PFKFB3: variants seen among roughly 807,000 people sequenced by gnomAD.
The protein encoded by PFKFB3 is 6-phosphofructo-2-kinase/fructose-2,6-biphosphatase 3, also known as 6-phosphofructo-2-kinase/fructose-2,6-bisphosphatase 3.
In PFKFB3, 33 loss-of-function variants were observed where a neutral mutation model predicts 68.0. The observed-to-expected ratio is 0.49, with a 90% confidence interval of 0.37 to 0.65. The LOEUF is 0.65. Ranked by LOEUF, PFKFB3 falls within the 30% of genes least tolerant of loss-of-function variation. PFKFB3 has a pLI of 0.00. For synonymous variants in PFKFB3, 315 were observed against 288.2 expected (o/e 1.09, Z -0.94); for missense variants, 586 against 712.2 (o/e 0.82, Z 2.02).
At chr10:6,197,084 A>C (rs930250915) in intron 1 of PFKFB3, among the ~76,000 whole-genome samples, 2 of 151,768 alleles carry the variant, frequency 1.3e-5, no homozygotes, top group Non-Finnish European at 2.9e-5. Context: ...TCCCAGGTTC[A>C]AGCGATTGTC....
downstream of PFKFB3, among the ~76,000 whole-genome samples, chr10:6,237,395 A>T (rs1431183781): frequency 6.6e-6 from 1 of 152,252 alleles, no homozygotes; most frequent in Non-Finnish European, 1.5e-5. Flanking sequence ...GCTGGTGAAG[A>T]GTGAGGCGTT....
chr10:6,288,362 C>T, the PFKFB3 span, among the ~76,000 whole-genome samples: 3 of 106,642 alleles, frequency 2.8e-5, no homozygotes, highest in African/African-American at 1.1e-4. Context: ...CCTCCCCCCA[C>T]CCCACAACAG....
Position 6,245,244 on chromosome 10 carries a change from A to G in PFKFB3, c.1516-8934A>G, listed in dbSNP as rs575851417. Among the ~76,000 whole-genome samples, 9 of 151,000 alleles carry G rather than the reference A, an allele frequency of 6.0e-5. No individual in the cohort carries two copies. In the South Asian group the frequency reaches 1.9e-3, roughly 32 times the overall value. On this transcript the variant is annotated intron_variant, in intron 14 of 14. Transcript: ENST00000640683. Reference sequence around the variant, plus strand: ...CCCGAGTAGCTGGGATTACAGGCATACGCCACCATGCCTGGCTAATTTTTA... The same window carrying G: ...CCCGAGTAGCTGGGATTACAGGCATGCGCCACCATGCCTGGCTAATTTTTA...
the PFKFB3 span, among the ~76,000 whole-genome samples, chr10:6,275,120 C>A: frequency 6.6e-6 from 1 of 152,272 alleles, no homozygotes; most frequent in African/African-American, 2.4e-5. This position sits in a 1 kb window ranked among gnomAD's most constrained non-coding sequence, Gnocchi z 4.9. Flanking sequence ...GAGGCTGATG[C>A]CTCTTGCTCT....
the PFKFB3 span, chr10:6,294,057 G>T: frequency 7.9e-6 from 4 of 508,736 alleles, no homozygotes; most frequent in Non-Finnish European, 1.6e-5. Flanking sequence ...TGTATAGTTC[G>T]TACTGGAAGG....
chr10:6,301,209 T>TG, the PFKFB3 span, among the ~76,000 whole-genome samples: 1 of 152,138 alleles, frequency 6.6e-6, no homozygotes, highest in African/African-American at 2.4e-5. Flanking sequence ...AATGGAATGG[T>TG]GACTTGGAAT....
At chr10:6,316,674 CGCCATGTTGGCCAGGCTGG>C in the PFKFB3 span, among the ~76,000 whole-genome samples, 12 of 152,084 alleles carry the variant, frequency 7.9e-5, no homozygotes, top group Non-Finnish European at 1.8e-4. Context: ...GTCCGGGTTT[CGCCATGTTGGCCAGGCTGG>C]TCTTGAACTA....
intron 1 of PFKFB3, among the ~76,000 whole-genome samples, chr10:6,183,346 C>T (rs1185591541): frequency 2.0e-5 from 3 of 152,090 alleles, no homozygotes; most frequent in Non-Finnish European, 4.4e-5. Flanking sequence ...TCTAAAACAC[C>T]TCCAGCTCCA....
upstream of PFKFB3, among the ~76,000 whole-genome samples, chr10:6,198,141 G>C (rs1246332397): frequency 1.3e-5 from 2 of 151,904 alleles, no homozygotes; most frequent in Non-Finnish European, 2.9e-5. Flanking sequence ...AGTTACTCAG[G>C]AGGCTGAGGC....
intron 14 of PFKFB3, among the ~76,000 whole-genome samples, chr10:6,241,683 A>C (rs1846143036): frequency 1.3e-5 from 2 of 152,182 alleles, no homozygotes; most frequent in Admixed American, 1.3e-4. Context: ...AAAAACTACC[A>C]GTGAAGGAGA....
intron 1 of PFKFB3, among the ~76,000 whole-genome samples, chr10:6,177,438 C>CTTTCTCTTTCTTTCTTTCTTTCTT (rs1554842946): frequency 1.2e-5 from 1 of 86,630 alleles, no homozygotes; most frequent in African/African-American, 4.2e-5. Flanking sequence ...TCTTTTCTTT[C>CTTTCTCTTTCTTTCTTTCTTTCTT]TCTTTCTTTC....
chr10:6,226,626 G>A (rs949074682), intron 14 of PFKFB3, among the ~76,000 whole-genome samples: 3 of 152,168 alleles, frequency 2.0e-5, no homozygotes, highest in Non-Finnish European at 2.9e-5. Context: ...GACTGCGTTC[G>A]CCTCCTTTCT....
intron 14 of PFKFB3, among the ~76,000 whole-genome samples, chr10:6,246,016 TC>T (rs906510955): frequency 6.6e-6 from 1 of 152,130 alleles, no homozygotes; most frequent in African/African-American, 2.4e-5. Context: ...CGCCTCCTCT[TC>T]CTTCTTCTCG....
intron 1 of PFKFB3, among the ~76,000 whole-genome samples, chr10:6,168,071 A>G (rs1842194688): frequency 6.6e-6 from 1 of 152,184 alleles, no homozygotes; most frequent in Admixed American, 6.5e-5. Context: ...CAGAGATGCT[A>G]TCTAACCATT....
At chr10:6,279,071 A>T in the PFKFB3 span, among the ~76,000 whole-genome samples, 182 of 152,366 alleles carry the variant, frequency 1.2e-3, no homozygotes, top group African/African-American at 4.1e-3. Flanking sequence ...TTCAGTTGTG[A>T]TGATTACTAT....
intron 1 of PFKFB3, among the ~76,000 whole-genome samples, chr10:6,180,040 C>G (rs968475691): frequency 6.6e-6 from 1 of 152,024 alleles, no homozygotes; most frequent in Non-Finnish European, 1.5e-5. Flanking sequence ...TTCAAAATAA[C>G]CAGCTTTAAA....
chr10:6,263,453 T>A, the PFKFB3 span, among the ~76,000 whole-genome samples: 2 of 152,222 alleles, frequency 1.3e-5, no homozygotes, highest in Non-Finnish European at 2.9e-5. Flanking sequence ...TTGGGGCCAG[T>A]TTATGGCCAG....
At chr10:6,175,534 G>A (rs1341382304) in intron 1 of PFKFB3, among the ~76,000 whole-genome samples, 3 of 152,212 alleles carry the variant, frequency 2.0e-5, no homozygotes, top group African/African-American at 7.2e-5. Context: ...ACCAGCGCTA[G>A]GGCTGCAATA....
intron 14 of PFKFB3, among the ~76,000 whole-genome samples, chr10:6,226,598 C>T (rs1845376329): frequency 6.6e-6 from 1 of 152,300 alleles, no homozygotes; most frequent in Admixed American, 6.5e-5. Context: ...GGGGGCTTTC[C>T]TTGCTGGTGA....
Sources: allele counts gnomAD v4.1 joint callset (sites outside exome capture counted in the v4.1 genomes callset), GRCh38; gene constraint gnomAD v4.1.1; non-coding constraint Gnocchi (gnomAD v3.1); transcripts MANE v1.5; gene names NCBI Gene and HGNC (gene_info 2026-07-23, HGNC 2026-07-21).